PAPPA: variants seen among roughly 807,000 people sequenced by gnomAD.
PAPPA encodes the protein pappalysin 1.
In PAPPA, 60 loss-of-function variants were observed where a neutral mutation model predicts 164.0. The observed-to-expected ratio is 0.37, with a 90% CI of 0.30 to 0.45. PAPPA has a LOEUF of 0.45. PAPPA is among the 20% of genes least tolerant of loss of function. The probability of loss-of-function intolerance (pLI) is 1.00; values close to 1 mark genes in which losing one functional copy is unlikely to be tolerated. For synonymous variants in PAPPA, 875 were observed against 814.1 expected (o/e 1.07, Z -1.27); for missense variants, 1,782 against 2,087.3 (o/e 0.85, Z 2.85).
chr9:116,398,801 T>C lies in PAPPA; in HGVS notation c.*2185T>C, dbSNP rs781461532. The C allele has an allele frequency of 2.5e-6, 1 of 405,680 alleles. No individual in the cohort carries two copies. Among genetic ancestry groups the C allele is most frequent in the South Asian group, 1.8e-5 (1 of 55,908 alleles). The allele number at this position is 405,680 out of a possible 1,614,324, so 25.1% of individuals were successfully genotyped here. On this transcript the variant is annotated 3_prime_UTR_variant, in exon 22 of 22. Transcript: ENST00000328252. ...CCATATCTCATTTATATCCAGACCA[T>C]TACTTCACTATAATTACAAGGACAA...
chr9:116,298,907 A>G (rs1845544148), intron 9 of PAPPA, among the ~76,000 whole-genome samples: 2 of 152,236 alleles, frequency 1.3e-5, no homozygotes, highest in African/African-American at 4.8e-5. Flanking sequence ...AGCATCTAGC[A>G]GAAAGTATTT....
rs56043415 is a variant in PAPPA, at chr9:116,311,056, C to CT, written c.3147+8127dup. On this transcript the variant is annotated intron_variant, in intron 10 of 21. Coordinates refer to ENST00000328252, the MANE Select transcript of PAPPA (RefSeq NM_002581.5). ...AATCGAATTAGGAACAACATGTGGA[C>CT]TTTTTTTTTTTTTTTTTTTTTCTAA... 2.8e-3 allele frequency among the ~76,000 whole-genome samples: 339 copies of CT among 120,414 alleles called. 4 individuals carry two copies. The highest frequency in any genetic ancestry group is 9.2e-3 in the African/African-American group (310 of 33,732). The allele number at this position is 120,414 out of a possible 152,430, so 79.0% of individuals were successfully genotyped here. A position where few individuals can be genotyped will look rare whatever the true frequency, so the allele number is the denominator to read the frequency against.
At chr9:116,183,263 C>T (rs940486404) in intron 1 of PAPPA, among the ~76,000 whole-genome samples, 32 of 152,112 alleles carry the variant, frequency 2.1e-4, no homozygotes, top group African/African-American at 4.8e-4. Flanking sequence ...GCAAGAGTTG[C>T]GAATGACATA....
At chr9:116,279,236 C>T (rs1845238366) in intron 9 of PAPPA, among the ~76,000 whole-genome samples, 1 of 151,912 alleles carries the variant, frequency 6.6e-6, no homozygotes, top group Non-Finnish European at 1.5e-5. Flanking sequence ...TTCCTTTCAC[C>T]CAAAGGGTCA....
At chr9:116,205,538 T>C (rs977540504) in intron 2 of PAPPA, among the ~76,000 whole-genome samples, 9 of 152,190 alleles carry the variant, frequency 5.9e-5, no homozygotes, top group Non-Finnish European at 1.2e-4. Flanking sequence ...ATGCATTGTT[T>C]CTCTTTTCAC....
intron 2 of PAPPA, among the ~76,000 whole-genome samples, chr9:116,206,571 G>A (rs902538214): frequency 2.6e-5 from 4 of 152,146 alleles, no homozygotes; most frequent in Non-Finnish European, 4.4e-5. Flanking sequence ...GGCTCACCAG[G>A]TATCAAGCTT....
intron 9 of PAPPA, chr9:116,288,714 T>C (rs553685574): frequency 1.3e-5 from 2 of 152,236 alleles, no homozygotes; most frequent in South Asian, 4.1e-4. Flanking sequence ...TTCTGTTCTG[T>C]AGAGGACTGC....
chr9:116,364,938 A>G (rs138722915), intron 18 of PAPPA, among the ~76,000 whole-genome samples: 112 of 152,296 alleles, frequency 7.4e-4, no homozygotes, highest in African/African-American at 2.6e-3. Flanking sequence ...AGGGCAGATG[A>G]TGAGTGCATA....
Position 116,271,256 on chromosome 9 carries a change from G to T in PAPPA, c.2862-69G>T. On this transcript the variant is annotated intron_variant, in intron 8 of 21. Transcript: ENST00000328252. This position sits in a 1 kb window ranked among gnomAD's most constrained non-coding sequence, Gnocchi z 4.2. Reference sequence around the variant, plus strand: ...ACTGAAGGTTCATGGCCCAGGGAGGGACTTTTCCATGTCCAGCCATGGTTT... The same window carrying T: ...ACTGAAGGTTCATGGCCCAGGGAGGTACTTTTCCATGTCCAGCCATGGTTT... 9.4e-7 allele frequency: 1 copy of T among 1,063,996 alleles called. No individual in the cohort carries two copies. Among genetic ancestry groups the T allele is most frequent in the South Asian group, 1.3e-5 (1 of 79,304 alleles). The allele number at this position is 1,063,996 out of a possible 1,614,324, so 65.9% of individuals were successfully genotyped here.
At chr9:116,392,354 A>T (rs1461031868) in intron 21 of PAPPA, among the ~76,000 whole-genome samples, 1 of 152,202 alleles carries the variant, frequency 6.6e-6, no homozygotes, top group Admixed American at 6.5e-5. Flanking sequence ...ACTGACTGGT[A>T]CTGAGGCCTG....
chr9:116,266,030 G>T (rs1845064496), intron 8 of PAPPA, 45 bp downstream of exon 8: 1 of 1,546,150 alleles, frequency 6.5e-7, no homozygotes, highest in South Asian at 1.2e-5. Context: ...ATGCTGGTTA[G>T]GTCAAGAGAT....
At chr9:116,156,110 T>C (rs1843598340) in intron 1 of PAPPA, among the ~76,000 whole-genome samples, 1 of 126,516 alleles carries the variant, frequency 7.9e-6, no homozygotes, top group African/African-American at 3.6e-5. Context: ...TTGGAGGTGA[T>C]TTTTTTTTTT....
At chr9:116,290,341 A>C (rs545993789) in intron 9 of PAPPA, among the ~76,000 whole-genome samples, 3 of 145,916 alleles carry the variant, frequency 2.1e-5, no homozygotes. Flanking sequence ...CTCGATCTTC[A>C]TTTTGCTGAT....
chr9:116,380,883 G>A (rs1431417994), intron 20 of PAPPA, among the ~76,000 whole-genome samples: 3 of 152,228 alleles, frequency 2.0e-5, no homozygotes, highest in Admixed American at 6.5e-5. Flanking sequence ...ATGGGATGGA[G>A]CTTGGTTCTT....
intron 21 of PAPPA, among the ~76,000 whole-genome samples, chr9:116,388,926 T>C (rs1165796259): frequency 6.6e-6 from 1 of 152,192 alleles, no homozygotes; most frequent in East Asian, 1.9e-4. Context: ...AAAGACATTA[T>C]ACCCAACATG....
Position 116,265,920 on chromosome 9 carries a change from T to C in PAPPA, c.2796T>C (p.Ser932=), listed in dbSNP as rs1447212763. 1 of 1,612,328 alleles carries C rather than the reference T, an allele frequency of 6.2e-7. No individual in the cohort carries two copies. Among genetic ancestry groups the C allele is most frequent in the East Asian group, 2.2e-5 (1 of 44,842 alleles). Residue 932 remains serine, a synonymous_variant, in exon 8 of 22, where the codon AGT becomes AGC. Coordinates refer to ENST00000328252, the MANE Select transcript of PAPPA (RefSeq NM_002581.5). ...TAACTATTTCAGGAACTGAAGAGAG[T>C]GAGCCATCACCTGCTGTCACATACA... ...WVITISGTEE[S]EPSPAVTYIH...
chr9:116,258,951 T>C (rs1038002823), intron 7 of PAPPA, among the ~76,000 whole-genome samples: 4 of 151,864 alleles, frequency 2.6e-5, no homozygotes, highest in Non-Finnish European at 5.9e-5. Flanking sequence ...CTGGCCAACA[T>C]GGTAAAACCC....
intron 15 of PAPPA, among the ~76,000 whole-genome samples, chr9:116,348,503 CTT>C (rs1424209305): frequency 6.6e-6 from 1 of 151,832 alleles, no homozygotes; most frequent in East Asian, 1.9e-4. Context: ...TTAAAAAAAA[CTT>C]TTATTTTAAG....
At chr9:116,222,082 A>G (rs1473516385) in intron 5 of PAPPA, among the ~76,000 whole-genome samples, 1 of 152,222 alleles carries the variant, frequency 6.6e-6, no homozygotes, top group African/African-American at 2.4e-5. Context: ...AACATTCAAA[A>G]TAGAACTGCC....
Sources: allele counts gnomAD v4.1 joint callset (sites outside exome capture counted in the v4.1 genomes callset), GRCh38; gene constraint gnomAD v4.1.1; non-coding constraint Gnocchi (gnomAD v3.1); transcripts MANE v1.5; gene names NCBI Gene and HGNC (gene_info 2026-07-23, HGNC 2026-07-21).